The following RO60 variants were observed in gnomAD, a reference collection of about 807,000 sequenced individuals.
RO60 encodes Ro60, Y RNA binding protein, also known as RNA-binding protein RO60.
Under a neutral mutation model 55.3 loss-of-function variants are expected in RO60, and 20 were observed. The observed-to-expected ratio is 0.36, with a 90% confidence interval of 0.25 to 0.53. The LOEUF (loss-of-function observed/expected upper bound fraction) is 0.53. RO60 is among the 20% of genes least tolerant of loss of function. The pLI is 0.92. For missense variants in RO60, 558 were observed against 646.6 expected (o/e 0.86, Z 1.49); for synonymous variants, 213 against 213.6 (o/e 1.00, Z 0.02).
intron 3 of RO60, 121 bp from the exon 4 acceptor site, chr1:193,076,379 AG>A: frequency 9.8e-7 from 1 of 1,018,012 alleles, no homozygotes; most frequent in Non-Finnish European, 1.4e-6. Context: ...TCATTCTGAA[AG>A]TACTTTGAAC....
chr1:193,061,537 A>T (rs988745261), intron 1 of RO60, among the ~76,000 whole-genome samples: 34 of 152,252 alleles, frequency 2.2e-4, no homozygotes, highest in African/African-American at 7.2e-4. Flanking sequence ...ATTAGTACTG[A>T]TAAAAGATAC....
chr1:193,068,160 C>A (rs531311903), intron 1 of RO60, among the ~76,000 whole-genome samples: 7 of 152,256 alleles, frequency 4.6e-5, no homozygotes, highest in Admixed American at 2.0e-4. Context: ...TGACACATGC[C>A]CAACTCCCTA....
intron 1 of RO60, among the ~76,000 whole-genome samples, chr1:193,067,114 A>G (rs1294727539): frequency 1.3e-5 from 2 of 151,656 alleles, no homozygotes; most frequent in South Asian, 2.1e-4. Flanking sequence ...TACAGTTTGC[A>G]TTGTGATTCT....
intron 1 of RO60, among the ~76,000 whole-genome samples, chr1:193,064,826 A>G (rs1293318216): frequency 6.6e-6 from 1 of 152,260 alleles, no homozygotes; most frequent in Non-Finnish European, 1.5e-5. Flanking sequence ...TATAAGGATT[A>G]TACTTAGAGA....
In RO60 at chr1:193,086,423, A is replaced by G. The variant is rs934867881; in HGVS notation, c.*1692A>G. The G allele has an allele frequency of 6.6e-6, 1 of 152,126 alleles. No individual in the cohort carries two copies. The allele number at this position is 152,126 out of a possible 1,614,324, so 9.4% of individuals were successfully genotyped here. A position where few individuals can be genotyped will look rare whatever the true frequency, so the allele number is the denominator to read the frequency against. On this transcript the variant is annotated 3_prime_UTR_variant, in exon 9 of 9. Transcript: ENST00000400968. ...TAGCACCCTCACCCCCACTCCAGAC[A>G]TGCATTGCTTCTGATGTTGTTCACG...
At chr1:193,070,110 A>G (rs1316049305) in intron 2 of RO60, among the ~76,000 whole-genome samples, 1 of 151,758 alleles carries the variant, frequency 6.6e-6, no homozygotes, top group African/African-American at 2.4e-5. Flanking sequence ...TGTATAGAAA[A>G]CTACTCTGTA....
chr1:193,071,680 T>A (rs1172564371), intron 2 of RO60, among the ~76,000 whole-genome samples: 1 of 151,098 alleles, frequency 6.6e-6, no homozygotes, highest in Non-Finnish European at 1.5e-5. Flanking sequence ...CATGAAAGAT[T>A]CTTTGAATTT....
chr1:193,084,497 TGTTA>T (rs1674528275), intron 8 of RO60, 78 bp from the exon 9 acceptor site: 2 of 1,415,282 alleles, frequency 1.4e-6, no homozygotes, highest in African/African-American at 2.9e-5. Flanking sequence ...GGTAGAGAAA[TGTTA>T]AAGTGTTTTA....
intron 1 of RO60, among the ~76,000 whole-genome samples, chr1:193,064,707 T>G (rs1572059894): frequency 6.6e-6 from 1 of 152,348 alleles, no homozygotes; most frequent in East Asian, 1.9e-4. Context: ...CCTGAGCAGT[T>G]TCTGCTGCAG....
chr1:193,064,139 C>T (rs1672958422), intron 1 of RO60, among the ~76,000 whole-genome samples: 1 of 152,206 alleles, frequency 6.6e-6, no homozygotes, highest in Non-Finnish European at 1.5e-5. Flanking sequence ...AGTTTTTGTT[C>T]ACCAAGGATG....
chr1:193,076,221 T>C (rs1673906944), intron 3 of RO60, among the ~76,000 whole-genome samples, 181 bp downstream of exon 3: 1 of 152,110 alleles, frequency 6.6e-6, no homozygotes, highest in African/African-American at 2.4e-5. Flanking sequence ...GTAGGTGGCA[T>C]TTGTGTTAGT....
rs545942058 is a variant in RO60 at position 193,086,193 on chromosome 1, A to G, written c.*1462A>G. The G allele has an allele frequency of 1.3e-5, 3 of 236,970 alleles. No individual in the cohort carries two copies. The highest frequency in any genetic ancestry group is 4.7e-5 in the African/African-American group (2 of 42,944). 14.7% of individuals were successfully genotyped at this position (236,970 alleles called of 1,614,324 possible). On this transcript the variant is annotated 3_prime_UTR_variant, in exon 9 of 9. Coordinates refer to ENST00000400968, the MANE Select transcript of RO60 (RefSeq NM_001173524.2). Reference sequence around the variant, plus strand: ...GGTTAGAGGGTTTATGTTTTTTGGGAAAGGGGGACTTTAGTAGTCTGAGGA... The same window carrying G: ...GGTTAGAGGGTTTATGTTTTTTGGGGAAGGGGGACTTTAGTAGTCTGAGGA...
In RO60 at chr1:193,085,542, A is replaced by G. The variant is rs1558256524; in HGVS notation, c.*811A>G. ...TAATAACATAGCCAGATGTAGTCTC[A>G]CACTGTTTTTCATACTCTTAAGTGT... On this transcript the variant is annotated 3_prime_UTR_variant, in exon 9 of 9. Transcript: ENST00000400968. 6.1e-6 allele frequency: 6 copies of G among 984,662 alleles called. No individual in the cohort carries two copies. Among genetic ancestry groups the G allele is most frequent in the Non-Finnish European group, 7.2e-6 (6 of 829,652 alleles). 61.0% of individuals were successfully genotyped at this position (984,662 alleles called of 1,614,324 possible).
rs1673318793 is a variant in RO60, at chr1:193,069,224, A to G, written c.170A>G (p.Asn57Ser). The change falls in exon 2 of 9, where the codon AAT (asparagine) becomes AGT (serine). Residue 57 changes from asparagine to serine, a missense_variant. By Grantham distance (46) the Asn-to-Ser change is conservative. Transcript: ENST00000400968. ...YIKEQKLGLE[N>S]AEALIRLIED... ...AAAGAACAGAAGTTGGGCCTTGAAA[A>G]TGCTGAAGCTTTAATTAGATTGATT... 6.2e-7 allele frequency: 1 copy of G among 1,614,118 alleles called. No individual in the cohort carries two copies. The highest frequency in any genetic ancestry group is 1.1e-5 in the South Asian group (1 of 91,094).
At chr1:193,069,784 C>G in intron 2 of RO60, 150 bp downstream of exon 2, 1 of 665,156 alleles carries the variant, frequency 1.5e-6, no homozygotes, top group Non-Finnish European at 2.5e-6. Flanking sequence ...TATTTAATGC[C>G]TTCCTGGGAT....
Position 193,076,900 on chromosome 1 carries a change from A to C in RO60, c.949-13A>C. The C allele has an allele frequency of 3.1e-6, 5 of 1,599,702 alleles. No individual in the cohort carries two copies. Among genetic ancestry groups the C allele is most frequent in the Non-Finnish European group, 4.3e-6 (5 of 1,172,450 alleles). ...TGTTTTTTGCTAAAATTTTCCTTAT[A>C]CTTTGTTTCTAGGCTCGTATACATC... is the stretch of plus-strand genomic sequence containing the variant. On this transcript the variant is annotated splice_polypyrimidine_tract_variant and intron_variant, in intron 4 of 8. Transcript: ENST00000400968.
At chr1:193,060,737 AT>A (rs1553268111) in intron 1 of RO60, among the ~76,000 whole-genome samples, 1 of 151,954 alleles carries the variant, frequency 6.6e-6, no homozygotes, top group Non-Finnish European at 1.5e-5. Flanking sequence ...TTTAAAAAAA[AT>A]TTTTTTTGTA....
At position 193,086,709 on chromosome 1, in the gene RO60, ATAAGT is replaced by A. The variant is rs1052696223; in HGVS notation, c.*1982_*1986del. 4 of 152,130 alleles carry A rather than the reference ATAAGT, an allele frequency of 2.6e-5. No homozygotes were observed. The highest frequency in any genetic ancestry group is 5.9e-5 in the Non-Finnish European group (4 of 67,988). The allele number at this position is 152,130 out of a possible 1,614,324, so 9.4% of individuals were successfully genotyped here. A position where few individuals can be genotyped will look rare whatever the true frequency, so the allele number is the denominator to read the frequency against. On this transcript the variant is annotated 3_prime_UTR_variant, in exon 9 of 9. Transcript: ENST00000400968. ...ATAATACTTTTAGACAAATATATCTATAAGTTAATATTAAATCCATCAAGGATACA... is the reference window on the plus strand; with the variant it reads ...ATAATACTTTTAGACAAATATATCTATAATATTAAATCCATCAAGGATACA...
At position 193,084,575 on chromosome 1, in the gene RO60, A is replaced by G. The variant is rs778930443; in HGVS notation, c.1465-4A>G. 14 of 1,605,690 alleles carry G rather than the reference A, an allele frequency of 8.7e-6. No homozygotes were observed. In the East Asian group the frequency reaches 1.3e-4, roughly 15 times the overall value. On this transcript the variant is annotated splice_region_variant and splice_polypyrimidine_tract_variant and intron_variant, in intron 8 of 8. Coordinates refer to ENST00000400968, the MANE Select transcript of RO60 (RefSeq NM_001173524.2). ...TTAATATGTATTTTGGTCTTTTTCTACAGAAAATGGATATTCCAGCTAAAT... is the reference window on the plus strand; with the variant it reads ...TTAATATGTATTTTGGTCTTTTTCTGCAGAAAATGGATATTCCAGCTAAAT...
Sources: allele counts gnomAD v4.1 joint callset (sites outside exome capture counted in the v4.1 genomes callset), GRCh38; gene constraint gnomAD v4.1.1; transcripts MANE v1.5; gene names NCBI Gene and HGNC (gene_info 2026-07-23, HGNC 2026-07-21).